The following HACD2 variants were observed in gnomAD, a reference collection of about 807,000 sequenced individuals.
The protein encoded by HACD2 is very-long-chain (3R)-3-hydroxyacyl-CoA dehydratase 2.
HACD2 carries 15 observed loss-of-function variants against 31.0 expected under a neutral mutation model. The observed-to-expected ratio is 0.48, with a 90% CI of 0.32 to 0.75. The LOEUF (loss-of-function observed/expected upper bound fraction) is 0.75, where lower values mean the gene tolerates loss of function less well. HACD2 is among the 30% of genes least tolerant of loss of function. The pLI, the probability that HACD2 is intolerant of heterozygous loss-of-function variation, is 0.03. For synonymous variants in HACD2, 115 were observed against 122.2 expected (o/e 0.94, Z 0.39); for missense variants, 283 against 313.0 (o/e 0.90, Z 0.72).
chr3:123,553,812 T>C (rs1669343151), intron 3 of HACD2, among the ~76,000 whole-genome samples: 2 of 152,098 alleles, frequency 1.3e-5, no homozygotes, highest in Non-Finnish European at 2.9e-5. Context: ...AATATATTTG[T>C]ATCTGGCCCA....
chr3:123,513,053 G>A (rs2056084243), intron 4 of HACD2, among the ~76,000 whole-genome samples: 1 of 152,202 alleles, frequency 6.6e-6, no homozygotes, highest in African/African-American at 2.4e-5. Context: ...AAATCTTTTT[G>A]TGCCAGATCA....
intron 6 of HACD2, among the ~76,000 whole-genome samples, chr3:123,495,596 TAAAA>T (rs57926133): frequency 0.77 from 114,084 of 148,148 alleles, 45,601 homozygotes; most frequent in Non-Finnish European, 0.88. Context: ...GTTTGGATGT[TAAAA>T]AAAAAAAAAA....
intron 3 of HACD2, among the ~76,000 whole-genome samples, chr3:123,530,124 G>A (rs1265973321): frequency 1.3e-5 from 2 of 152,050 alleles, no homozygotes. Context: ...GGATTAATGA[G>A]GTTGAAGCAA....
At chr3:123,502,904 G>A (rs2107681803) in intron 4 of HACD2, 1 of 471,640 alleles carries the variant, frequency 2.1e-6, no homozygotes, top group Non-Finnish European at 3.8e-6. Context: ...CAGTCACCAG[G>A]AGTGAGAGCA....
intron 1 of HACD2, among the ~76,000 whole-genome samples, chr3:123,583,535 G>A (rs1007902825): frequency 6.6e-6 from 1 of 151,962 alleles, no homozygotes; most frequent in Non-Finnish European, 1.5e-5. Flanking sequence ...TCTAGATCTG[G>A]AACTTCTACT....
intron 3 of HACD2, among the ~76,000 whole-genome samples, chr3:123,530,915 T>C (rs949123370): frequency 6.6e-6 from 1 of 152,168 alleles, no homozygotes; most frequent in Non-Finnish European, 1.5e-5. Context: ...TCGCCCAGGC[T>C]GGAGTGCAAT....
At chr3:123,574,290 G>A (rs1210404772) in intron 2 of HACD2, among the ~76,000 whole-genome samples, 1 of 152,194 alleles carries the variant, frequency 6.6e-6, no homozygotes, top group Non-Finnish European at 1.5e-5. Context: ...TAACTGGGTA[G>A]TCCTGCTTTT....
At chr3:123,514,307 C>T (rs748454992) in intron 4 of HACD2, among the ~76,000 whole-genome samples, 1 of 151,806 alleles carries the variant, frequency 6.6e-6, no homozygotes, top group East Asian at 1.9e-4. Flanking sequence ...GAGTAGGAAA[C>T]GAAACAAATG....
intron 4 of HACD2, among the ~76,000 whole-genome samples, chr3:123,518,636 G>A (rs1276641794): frequency 6.6e-6 from 1 of 152,126 alleles, no homozygotes; most frequent in African/African-American, 2.4e-5. Flanking sequence ...GACCTAACAA[G>A]ACAGCACACC....
At chr3:123,503,231 C>A (rs905051740) in intron 4 of HACD2, among the ~76,000 whole-genome samples, 1 of 151,394 alleles carries the variant, frequency 6.6e-6, no homozygotes, top group Non-Finnish European at 1.5e-5. Context: ...CGCCACTGCA[C>A]CCCAGCCTGG....
chr3:123,549,866 TGGGG>T (rs141534672), intron 3 of HACD2, among the ~76,000 whole-genome samples: 6,731 of 152,270 alleles, frequency 0.044, 233 homozygotes, highest in Admixed American at 0.085. Context: ...TGAGGATTTC[TGGGG>T]GTGTTTTCTG....
At chr3:123,551,766 C>T (rs1014803080) in intron 3 of HACD2, among the ~76,000 whole-genome samples, 1 of 152,122 alleles carries the variant, frequency 6.6e-6, no homozygotes, top group African/African-American at 2.4e-5. Context: ...TTAATCACAG[C>T]TGTATAAACA....
intron 3 of HACD2, among the ~76,000 whole-genome samples, chr3:123,533,759 T>C (rs2056393314): frequency 6.6e-6 from 1 of 152,184 alleles, no homozygotes; most frequent in Admixed American, 6.5e-5. Flanking sequence ...ACAGTGTCCC[T>C]GGTGAGCTCA....
rs144227642 is a variant in HACD2, at chr3:123,530,907, G to A, written c.293-2433C>T. Among the ~76,000 whole-genome samples, 335 of 151,858 alleles carry A rather than the reference G, an allele frequency of 2.2e-3. 1 individual carries two copies. The highest frequency in any genetic ancestry group is 7.0e-3 in the African/African-American group (291 of 41,408). The stretch of plus-strand genomic sequence containing the variant: ...TTTTAGATGGAGTTTCACTCCTGTC[G>A]CCCAGGCTGGAGTGCAATGGCGCAA... On this transcript the variant is annotated intron_variant, in intron 3 of 6. Transcript: ENST00000383657.
At chr3:123,582,080 T>A (rs377556116) in intron 2 of HACD2, 132 bp downstream of exon 2, 4 of 477,192 alleles carry the variant, frequency 8.4e-6, no homozygotes. Context: ...ATCAACACTT[T>A]AGTATGTGAG....
intron 3 of HACD2, among the ~76,000 whole-genome samples, chr3:123,529,794 A>AT (rs904369762): frequency 6.6e-6 from 1 of 152,218 alleles, no homozygotes; most frequent in Non-Finnish European, 1.5e-5. Flanking sequence ...ACCTGGTTAT[A>AT]TAATTGTGTA....
rs184611039 is a variant in HACD2, at chr3:123,525,029, A to G, written c.381+3357T>C. 2.6e-3 allele frequency among the ~76,000 whole-genome samples: 400 copies of G among 152,342 alleles called. 2 individuals are homozygous for G. The highest frequency in any genetic ancestry group is 9.2e-3 in the African/African-American group (384 of 41,564). ...AACTATAACATATCAAACAAAAACCAATGCTATTGTAAAAAATATAAAGGA... is the reference window on the plus strand; with the variant it reads ...AACTATAACATATCAAACAAAAACCGATGCTATTGTAAAAAATATAAAGGA... On this transcript the variant is annotated intron_variant, in intron 4 of 6. Transcript: ENST00000383657.
intron 2 of HACD2, among the ~76,000 whole-genome samples, chr3:123,571,736 C>G (rs2056857733): frequency 6.6e-6 from 1 of 152,216 alleles, no homozygotes; most frequent in Admixed American, 6.5e-5. Flanking sequence ...AGAACCCAGT[C>G]AAGCCCAGCT....
At position 123,494,803 on chromosome 3, in the gene HACD2, T is replaced by A; in HGVS notation, c.*85A>T. On this transcript the variant is annotated 3_prime_UTR_variant, in exon 7 of 7. Coordinates refer to ENST00000383657, the MANE Select transcript of HACD2 (RefSeq NM_198402.5). The stretch of plus-strand genomic sequence containing the variant: ...AAAAATAGTTCTTACTTATTTTCTA[T>A]GAAACGTATTGGGAACTCAAAAAAT... The A allele has an allele frequency of 1.2e-6, 1 of 837,174 alleles. No individual in the cohort carries two copies. The highest frequency in any genetic ancestry group is 1.9e-6 in the Non-Finnish European group (1 of 514,316). The allele number at this position is 837,174 out of a possible 1,614,324, so 51.9% of individuals were successfully genotyped here.
Sources: allele counts gnomAD v4.1 joint callset (sites outside exome capture counted in the v4.1 genomes callset), GRCh38; gene constraint gnomAD v4.1.1; transcripts MANE v1.5; gene names NCBI Gene and HGNC (gene_info 2026-07-23, HGNC 2026-07-21).